Variants in HS3ST5 observed in about 807,000 individuals in gnomAD.
HS3ST5 encodes the protein heparan sulfate-glucosamine 3-sulfotransferase 5.
A neutral mutation model predicts 25.4 loss-of-function variants in HS3ST5; 10 were observed. The observed-to-expected ratio is 0.39, with a 90% CI of 0.24 to 0.67. HS3ST5 has a LOEUF of 0.67. Among genes scored for constraint, HS3ST5 ranks in the 30% least tolerant of loss-of-function variants. HS3ST5 has a pLI of 0.44. For synonymous variants in HS3ST5, 170 were observed against 162.4 expected (o/e 1.05, Z -0.36); for missense variants, 324 against 420.7 (o/e 0.77, Z 2.01).
chr6:114,303,262 G>T (rs1418218109), intron 1 of HS3ST5, among the ~76,000 whole-genome samples: 2 of 151,972 alleles, frequency 1.3e-5, no homozygotes, highest in Non-Finnish European at 2.9e-5. Flanking sequence ...TAAATAAGGT[G>T]ATTAACGCAT....
intron 2 of HS3ST5, among the ~76,000 whole-genome samples, chr6:114,191,532 G>C (rs1780501765): frequency 1.3e-5 from 2 of 152,282 alleles, no homozygotes; most frequent in African/African-American, 4.8e-5. Flanking sequence ...TGGTGAGGCA[G>C]GTAATTCCTA....
chr6:114,317,301 T>C (rs1049120272), intron 1 of HS3ST5, among the ~76,000 whole-genome samples: 128 of 152,282 alleles, frequency 8.4e-4, no homozygotes, highest in African/African-American at 3.0e-3. Context: ...CACATTCTCA[T>C]GTAGAAGTGC....
At chr6:114,148,112 C>A (rs1290465050) in intron 3 of HS3ST5, among the ~76,000 whole-genome samples, 1 of 152,118 alleles carries the variant, frequency 6.6e-6, no homozygotes, top group Non-Finnish European at 1.5e-5. Context: ...AGAACAGAGA[C>A]CTCAGAAATA....
chr6:114,062,759 G>C lies in HS3ST5; in HGVS notation c.87C>G (p.Ala29=). The part of the protein sequence containing the change: ...LAVGSLLYLV[A]RVGSLDRLQP... ...CCCACCTATCCAAGCTCCCAACTCT[G>C]GCGACTAGATACAGGAGACTCCCAA... The change falls in exon 4 of 5, where the codon GCC becomes GCG. Residue 29 remains alanine, a synonymous_variant. Transcript: ENST00000312719. The C allele has an allele frequency of 1.2e-6, 2 of 1,613,700 alleles. No homozygotes were observed. The highest frequency in any genetic ancestry group is 1.3e-5 in the African/African-American group (1 of 75,020).
intron 1 of HS3ST5, among the ~76,000 whole-genome samples, chr6:114,234,798 T>A (rs549327822): frequency 6.6e-6 from 1 of 152,190 alleles, no homozygotes; most frequent in Non-Finnish European, 1.5e-5. Flanking sequence ...ATTCCATGCA[T>A]GAAAATTGAT....
intron 1 of HS3ST5, among the ~76,000 whole-genome samples, chr6:114,339,615 C>G (rs1394500318): frequency 6.6e-6 from 1 of 152,094 alleles, no homozygotes; most frequent in Non-Finnish European, 1.5e-5. Flanking sequence ...TAAATGAATA[C>G]TAATGACAAA....
At chr6:114,295,718 T>A (rs1774790331) in intron 1 of HS3ST5, among the ~76,000 whole-genome samples, 1 of 152,176 alleles carries the variant, frequency 6.6e-6, no homozygotes, top group Admixed American at 6.5e-5. Flanking sequence ...AGCAATTACT[T>A]CCTTAGTATT....
At chr6:114,233,697 T>C (rs1469923853) in intron 1 of HS3ST5, among the ~76,000 whole-genome samples, 1 of 152,184 alleles carries the variant, frequency 6.6e-6, no homozygotes, top group African/African-American at 2.4e-5. Flanking sequence ...ATACATTTAA[T>C]AACTAAGAGC....
At chr6:114,134,267 C>T (rs1049540093) in intron 3 of HS3ST5, among the ~76,000 whole-genome samples, 5 of 152,004 alleles carry the variant, frequency 3.3e-5, no homozygotes, top group Non-Finnish European at 5.9e-5. Flanking sequence ...CCATGAGGAG[C>T]GTATGATTAT....
At chr6:114,084,764 G>C (rs1163886432) in intron 3 of HS3ST5, 1 of 764,782 alleles carries the variant, frequency 1.3e-6, no homozygotes, top group African/African-American at 1.7e-5. Flanking sequence ...AATTGGAGTG[G>C]CTCCAGTGGC....
intron 1 of HS3ST5, among the ~76,000 whole-genome samples, chr6:114,254,274 T>C (rs1245165559): frequency 6.6e-6 from 1 of 152,234 alleles, no homozygotes; most frequent in Non-Finnish European, 1.5e-5. Context: ...TGAATGTGTT[T>C]AAATTTCTGG....
intron 1 of HS3ST5, among the ~76,000 whole-genome samples, chr6:114,293,481 C>T (rs1774673296): frequency 6.6e-6 from 1 of 152,096 alleles, no homozygotes; most frequent in African/African-American, 2.4e-5. Flanking sequence ...AAAGCTTAGC[C>T]TAGCTGCTGG....
intron 3 of HS3ST5, among the ~76,000 whole-genome samples, chr6:114,149,049 T>A (rs1184660833): frequency 6.6e-6 from 1 of 152,182 alleles, no homozygotes; most frequent in Non-Finnish European, 1.5e-5. Context: ...TCACACCAGT[T>A]AAAATGGTGA....
rs151266288 is a variant in HS3ST5, at chr6:114,309,963, G to A, written c.-339+32232C>T. ...CTAAAGAAAAAGTATCTATATTTAC[G>A]TATACTTTCAAACATGCCTTTCATT... On this transcript the variant is annotated intron_variant, in intron 1 of 4. Transcript: ENST00000312719. Among the ~76,000 whole-genome samples the A allele has an allele frequency of 9.6e-4, 146 of 152,186 alleles. 1 individual carries two copies. The highest frequency in any genetic ancestry group is 3.4e-3 in the African/African-American group (141 of 41,502).
At chr6:114,184,054 C>CT (rs34370810) in intron 2 of HS3ST5, among the ~76,000 whole-genome samples, 30,401 of 79,032 alleles carry the variant, frequency 0.38, 9,547 homozygotes, top group South Asian at 0.61. Flanking sequence ...TTTTTCCTTT[C>CT]TTTTTTTTTT....
intron 1 of HS3ST5, among the ~76,000 whole-genome samples, chr6:114,333,353 A>C (rs1024159757): frequency 6.6e-6 from 1 of 152,212 alleles, no homozygotes. Flanking sequence ...ACAGAAGAGC[A>C]AAATAACATA....
intron 2 of HS3ST5, among the ~76,000 whole-genome samples, chr6:114,188,266 G>C (rs553213567): frequency 1.4e-5 from 2 of 147,074 alleles, no homozygotes; most frequent in Admixed American, 1.3e-4. Flanking sequence ...AATTTTTTTG[G>C]CCTCCCTCTA....
chr6:114,288,539 C>T (rs1774437063), intron 1 of HS3ST5, among the ~76,000 whole-genome samples: 1 of 151,422 alleles, frequency 6.6e-6, no homozygotes, highest in South Asian at 2.1e-4. Context: ...GTACCTTCCA[C>T]TTACTGTCTC....
At chr6:114,100,587 C>T (rs1409837561) in intron 3 of HS3ST5, among the ~76,000 whole-genome samples, 1 of 152,134 alleles carries the variant, frequency 6.6e-6, no homozygotes, top group African/African-American at 2.4e-5. Flanking sequence ...CGTTAACATA[C>T]CATGTTTCTT....
Sources: gnomAD v4.1 joint callset for allele counts (sites outside exome capture counted in the v4.1 genomes callset) on GRCh38, gnomAD v4.1.1 for gene constraint, MANE v1.5 for transcripts, NCBI Gene and HGNC (gene_info 2026-07-23, HGNC 2026-07-21) for gene names.